The following RFX4 variants were observed in gnomAD, a reference collection of about 807,000 sequenced individuals.
RFX4 encodes regulatory factor X4.
Under a neutral mutation model 95.0 loss-of-function variants are expected in RFX4, and 10 were observed. The observed-to-expected ratio is 0.11, with a 90% confidence interval of 0.06 to 0.18. The LOEUF (loss-of-function observed/expected upper bound fraction) is 0.18. RFX4 is among the 10% of genes least tolerant of loss of function. The probability of loss-of-function intolerance (pLI) is 1.00; values close to 1 mark genes in which losing one functional copy is unlikely to be tolerated. For missense variants in RFX4, 640 were observed against 922.0 expected (o/e 0.69, Z 3.96); for synonymous variants, 321 against 340.7 (o/e 0.94, Z 0.64).
At chr12:106,722,414 A>G (rs543437945) in intron 13 of RFX4, among the ~76,000 whole-genome samples, 1 of 152,370 alleles carries the variant, frequency 6.6e-6, no homozygotes, top group African/African-American at 2.4e-5. Context: ...TTCCCTTGCA[A>G]TATTCTTTGA....
chr12:106,693,005 TC>T (rs2041812901), intron 7 of RFX4: 1 of 281,384 alleles, frequency 3.6e-6, no homozygotes, highest in Non-Finnish European at 7.4e-6. Flanking sequence ...AGATTGCCAC[TC>T]CCCTCCACCC....
At chr12:106,719,170 C>T (rs1440348044) in intron 11 of RFX4, among the ~76,000 whole-genome samples, 1 of 152,060 alleles carries the variant, frequency 6.6e-6, no homozygotes, top group Non-Finnish European at 1.5e-5. Flanking sequence ...ATTCAGTTAT[C>T]TGACTTAAAG....
At chr12:106,671,092 C>T (rs965936577) in intron 4 of RFX4, among the ~76,000 whole-genome samples, 2 of 152,162 alleles carry the variant, frequency 1.3e-5, no homozygotes, top group Non-Finnish European at 2.9e-5. Flanking sequence ...CCTAAAATGA[C>T]CCCTGAAGTA....
In RFX4 at chr12:106,666,021, C is replaced by T. The variant is rs149347892; in HGVS notation, c.315+11670C>T. 8.1e-3 allele frequency among the ~76,000 whole-genome samples: 1,230 copies of T among 152,026 alleles called. 19 individuals are homozygous for T. The highest frequency in any genetic ancestry group is 0.028 in the African/African-American group (1,159 of 41,512). On this transcript the variant is annotated intron_variant, in intron 4 of 17. Transcript: ENST00000392842. ...TGAGTTTCTGACCTATATCAATTTC[C>T]TTCTCCCTAAAGAATTTCTTTTAAC...
intron 3 of RFX4, among the ~76,000 whole-genome samples, chr12:106,645,660 A>G (rs1165976003): frequency 2.0e-5 from 3 of 152,228 alleles, no homozygotes; most frequent in East Asian, 3.8e-4. Context: ...TGGGTTTGGC[A>G]CTGTTCCAAA....
intron 15 of RFX4, among the ~76,000 whole-genome samples, chr12:106,740,332 T>G (rs909282129): frequency 3.3e-5 from 5 of 152,180 alleles, no homozygotes; most frequent in Non-Finnish European, 4.4e-5. Context: ...CCGAGTGGGA[T>G]AGGATGGACA....
intron 13 of RFX4, among the ~76,000 whole-genome samples, chr12:106,726,539 TA>T (rs1292730114): frequency 6.6e-6 from 1 of 152,210 alleles, no homozygotes; most frequent in Non-Finnish European, 1.5e-5. Flanking sequence ...TTAGTATTCC[TA>T]AAAAAGACAA....
chr12:106,640,735 A>G (rs2040604761), intron 3 of RFX4, among the ~76,000 whole-genome samples: 2 of 149,838 alleles, frequency 1.3e-5, no homozygotes, highest in African/African-American at 4.9e-5. Context: ...GATGTAAAGG[A>G]CTCTGGGAGT....
At chr12:106,638,194 G>C (rs1272312901) in intron 2 of RFX4, among the ~76,000 whole-genome samples, 1 of 151,980 alleles carries the variant, frequency 6.6e-6, no homozygotes, top group African/African-American at 2.4e-5. Context: ...TTTTAGTACA[G>C]ACGGGGTTTC....
intron 13 of RFX4, among the ~76,000 whole-genome samples, chr12:106,723,055 C>A (rs1213715705): frequency 1.3e-5 from 2 of 152,192 alleles, no homozygotes; most frequent in Non-Finnish European, 2.9e-5. Context: ...TTACAATGAT[C>A]GTGTGGAATA....
chr12:106,692,832 T>C (rs941108709), intron 7 of RFX4, among the ~76,000 whole-genome samples: 1 of 152,240 alleles, frequency 6.6e-6, no homozygotes, highest in African/African-American at 2.4e-5. Context: ...TATTTCACCC[T>C]AATAGTAGGA....
At chr12:106,718,745 G>A (rs2042339529) in intron 11 of RFX4, among the ~76,000 whole-genome samples, 1 of 152,152 alleles carries the variant, frequency 6.6e-6, no homozygotes, top group Non-Finnish European at 1.5e-5. Flanking sequence ...ACAAAAATGT[G>A]ATGAAAAGAG....
At position 106,712,195 on chromosome 12, in the gene RFX4, T is replaced by C. The variant is rs74928829; in HGVS notation, c.993+684T>C. Among the ~76,000 whole-genome samples the C allele has an allele frequency of 2.3e-3, 352 of 152,384 alleles. 10 individuals are homozygous for C. The East Asian group carries it at 0.055, about 24-fold the overall frequency. ...TCTGGCCCTCAGATATGTGGGGTTA[T>C]TGTTGTTTGGTTTGAATATGTTCAA... On this transcript the variant is annotated intron_variant, in intron 10 of 17. Coordinates refer to ENST00000392842, the MANE Select transcript of RFX4 (RefSeq NM_213594.3).
At chr12:106,637,329 G>C (rs1180734798) in intron 2 of RFX4, among the ~76,000 whole-genome samples, 1 of 152,124 alleles carries the variant, frequency 6.6e-6, no homozygotes, top group Non-Finnish European at 1.5e-5. Context: ...CACCAATATT[G>C]ATAAATTTTC....
chr12:106,721,467 C>G (rs1481591381), intron 13 of RFX4, among the ~76,000 whole-genome samples: 1 of 152,184 alleles, frequency 6.6e-6, no homozygotes, highest in African/African-American at 2.4e-5. Flanking sequence ...GGCTTGAAAT[C>G]TCTGCCCAAA....
chr12:106,662,747 G>A (rs2041099158), intron 4 of RFX4, among the ~76,000 whole-genome samples: 1 of 151,990 alleles, frequency 6.6e-6, no homozygotes, highest in Non-Finnish European at 1.5e-5. Flanking sequence ...ATGGGTATAA[G>A]GTCTGTATCT....
At chr12:106,625,089 A>G (rs2040266663) in intron 2 of RFX4, among the ~76,000 whole-genome samples, 1 of 152,214 alleles carries the variant, frequency 6.6e-6, no homozygotes. Context: ...ATGAGATTTT[A>G]TGGATCATCT....
chr12:106,650,242 A>ATT, intron 3 of RFX4, among the ~76,000 whole-genome samples: 1 of 151,756 alleles, frequency 6.6e-6, no homozygotes, highest in African/African-American at 2.4e-5. Context: ...GTGTTCATGG[A>ATT]TTTTTTTTTA....
At chr12:106,667,372 TAAG>T (rs1010402750) in intron 4 of RFX4, among the ~76,000 whole-genome samples, 2 of 152,286 alleles carry the variant, frequency 1.3e-5, no homozygotes, top group African/African-American at 4.8e-5. Flanking sequence ...CAGGCCTTGT[TAAG>T]AAGAACAGAG....
Sources: gnomAD v4.1 joint callset for allele counts (sites outside exome capture counted in the v4.1 genomes callset) on GRCh38, gnomAD v4.1.1 for gene constraint, MANE v1.5 for transcripts, NCBI Gene and HGNC (gene_info 2026-07-23, HGNC 2026-07-21) for gene names.